Variants in DYNC2I1 observed in about 807,000 individuals in gnomAD.
The protein encoded by DYNC2I1 is cytoplasmic dynein 2 intermediate chain 1.
DYNC2I1 carries 89 observed loss-of-function variants against 133.4 expected under a neutral mutation model. The observed-to-expected ratio is 0.67, with a 90% CI of 0.56 to 0.80. The LOEUF is 0.80. Ranked by LOEUF, DYNC2I1 falls within the 30% of genes least tolerant of loss-of-function variation. The probability of loss-of-function intolerance (pLI) is 0.00; values close to 1 mark genes in which losing one functional copy is unlikely to be tolerated. For synonymous variants in DYNC2I1, 504 were observed against 484.3 expected (o/e 1.04, Z -0.54); for missense variants, 1,291 against 1,314.5 (o/e 0.98, Z 0.28).
chr7:158,951,558 C>T (rs1852053250), intron 4 of DYNC2I1, among the ~76,000 whole-genome samples: 1 of 152,234 alleles, frequency 6.6e-6, no homozygotes, highest in South Asian at 2.1e-4. Flanking sequence ...GCTGGAGCCC[C>T]AGGGCATGCT....
At chr7:158,915,236 CA>C (rs1337884110) in intron 14 of DYNC2I1, among the ~76,000 whole-genome samples, 1 of 151,632 alleles carries the variant, frequency 6.6e-6, no homozygotes, top group African/African-American at 2.4e-5. Context: ...GAAACATCGA[CA>C]TGCTGGTTGA....
chr7:158,905,851 G>GA, intron 10 of DYNC2I1, 138 bp from the exon 11 acceptor site: 1 of 658,644 alleles, frequency 1.5e-6, no homozygotes. Context: ...AAATGCTTAT[G>GA]AAAGATGTTT....
chr7:158,907,273 C>CTTTT (rs36062364), intron 11 of DYNC2I1, among the ~76,000 whole-genome samples: 190 of 98,982 alleles, frequency 1.9e-3, no homozygotes, highest in East Asian at 5.7e-3. Context: ...CCATGGCCTT[C>CTTTT]TTTTTTTTTT....
At chr7:158,941,358 A>G (rs1439997348) in intron 23 of DYNC2I1, among the ~76,000 whole-genome samples, 1 of 152,320 alleles carries the variant, frequency 6.6e-6, no homozygotes, top group South Asian at 2.1e-4. Flanking sequence ...CTGATATTCA[A>G]CTTTGTTAAA....
chr7:158,848,389 G>A, the DYNC2I1 span, among the ~76,000 whole-genome samples: 12 of 152,250 alleles, frequency 7.9e-5, no homozygotes, highest in African/African-American at 2.6e-4. Flanking sequence ...TTTTACATGG[G>A]CACCTTGCGT....
At chr7:158,853,838 A>T (rs959869261), upstream of DYNC2I1, among the ~76,000 whole-genome samples, 24 of 152,028 alleles carry the variant, frequency 1.6e-4, no homozygotes, top group Non-Finnish European at 3.1e-4. Context: ...TTTTTAGTAG[A>T]GACGGGCTTT....
downstream of DYNC2I1, among the ~76,000 whole-genome samples, chr7:158,949,601 CG>C: frequency 6.6e-6 from 1 of 150,964 alleles, no homozygotes; most frequent in Admixed American, 6.6e-5. Context: ...GGGAGGGGCC[CG>C]AGCCGCACAG....
intron 13 of DYNC2I1, among the ~76,000 whole-genome samples, chr7:158,913,494 T>C (rs1433862414): frequency 4.6e-5 from 7 of 152,198 alleles, no homozygotes; most frequent in African/African-American, 1.2e-4. Flanking sequence ...TTTGCAAAAA[T>C]GTTCCATCAA....
chr7:158,934,460 C>A lies in DYNC2I1; in HGVS notation c.2689C>A (p.Pro897Thr). Residue 897 changes from proline to threonine, a missense_variant, in exon 23 of 25, where the codon CCC becomes ACC. Transcript: ENST00000407559. ...HGTRQDLRVA[P>T]KLFKPQQHGI... ...CACAAGACAAGATTTGAGAGTGGCT[C>A]CCAAACTATTCAAACCTCAGCAACA... The A allele has an allele frequency of 6.3e-7, 1 of 1,595,150 alleles. No individual in the cohort carries two copies. Among genetic ancestry groups the A allele is most frequent in the Non-Finnish European group, 8.5e-7 (1 of 1,170,322 alleles).
chr7:158,890,979 T>C (rs913331976), intron 7 of DYNC2I1, among the ~76,000 whole-genome samples: 1 of 152,242 alleles, frequency 6.6e-6, no homozygotes, highest in African/African-American at 2.4e-5. Context: ...TTCATGTGTA[T>C]CCTTTTATCC....
At chr7:158,927,881 A>C (rs1185486910) in intron 20 of DYNC2I1, among the ~76,000 whole-genome samples, 1 of 152,158 alleles carries the variant, frequency 6.6e-6, no homozygotes, top group East Asian at 1.9e-4. Flanking sequence ...GTAGGGTTTA[A>C]TGAGTTCTGT....
At chr7:158,949,282 G>A (rs114396661), downstream of DYNC2I1, among the ~76,000 whole-genome samples, 411 of 152,378 alleles carry the variant, frequency 2.7e-3, 5 homozygotes, top group African/African-American at 9.2e-3. Flanking sequence ...TCCTGAATGC[G>A]GAAGTAGGCT....
intron 1 of DYNC2I1, among the ~76,000 whole-genome samples, chr7:158,857,829 C>T (rs1216567483): frequency 2.7e-5 from 4 of 146,544 alleles, no homozygotes; most frequent in East Asian, 4.0e-4. Flanking sequence ...TTCCCCTTGT[C>T]GCCCAGGCTG....
intron 5 of DYNC2I1, among the ~76,000 whole-genome samples, chr7:158,882,907 A>G (rs778527199): frequency 6.6e-6 from 1 of 151,654 alleles, no homozygotes; most frequent in Non-Finnish European, 1.5e-5. Context: ...AGAAATGAAC[A>G]GATACACGAT....
At chr7:158,882,861 G>A (rs1283632179) in intron 5 of DYNC2I1, among the ~76,000 whole-genome samples, 5 of 144,274 alleles carry the variant, frequency 3.5e-5, no homozygotes, top group African/African-American at 1.3e-4. Flanking sequence ...GGAGGACAGA[G>A]TGAGCCTTTG....
At chr7:158,911,820 C>A in intron 12 of DYNC2I1, 141 bp downstream of exon 12, 1 of 1,154,226 alleles carries the variant, frequency 8.7e-7, no homozygotes, top group Non-Finnish European at 1.2e-6. Flanking sequence ...AAAATGGGGA[C>A]CCATCTTCAC....
At chr7:158,864,754 C>T (rs191247519) in intron 1 of DYNC2I1, among the ~76,000 whole-genome samples, 1 of 152,250 alleles carries the variant, frequency 6.6e-6, no homozygotes, top group Non-Finnish European at 1.5e-5. Flanking sequence ...AATCTTCCTA[C>T]CTCAGCCTAG....
chr7:158,864,129 G>T (rs1282227500), intron 1 of DYNC2I1, among the ~76,000 whole-genome samples: 1 of 146,356 alleles, frequency 6.8e-6, no homozygotes, highest in Non-Finnish European at 1.5e-5. Flanking sequence ...GTGGGGGGGG[G>T]AGCAGACGTT....
At chr7:158,866,806 A>G (rs901902135) in intron 1 of DYNC2I1, among the ~76,000 whole-genome samples, 4 of 151,240 alleles carry the variant, frequency 2.6e-5, no homozygotes, top group Non-Finnish European at 5.9e-5. Flanking sequence ...AATTGCTTGA[A>G]CCTAGGAAGT....
Sources: allele counts gnomAD v4.1 joint callset (sites outside exome capture counted in the v4.1 genomes callset), GRCh38; gene constraint gnomAD v4.1.1; transcripts MANE v1.5; gene names NCBI Gene and HGNC (gene_info 2026-07-23, HGNC 2026-07-21).